Variants in MLLT6 observed in about 807,000 individuals in gnomAD.
MLLT6 encodes protein AF-17.
A neutral mutation model predicts 103.0 loss-of-function variants in MLLT6; 22 were observed. The observed-to-expected ratio is 0.21, with a 90% CI of 0.15 to 0.31. The LOEUF (loss-of-function observed/expected upper bound fraction) is 0.31. Ranked by LOEUF, MLLT6 falls within the 10% of genes least tolerant of loss-of-function variation. MLLT6 has a pLI of 1.00. For synonymous variants in MLLT6, 606 were observed against 623.5 expected (o/e 0.97, Z 0.42); for missense variants, 1,199 against 1,441.7 (o/e 0.83, Z 2.73).
At chr17:38,723,001 G>A (rs1394266978) in intron 18 of MLLT6, among the ~76,000 whole-genome samples, 7 of 152,194 alleles carry the variant, frequency 4.6e-5, no homozygotes, top group Admixed American at 2.6e-4. Context: ...AATAGCCCCA[G>A]GTCGCATCCT....
chr17:38,722,095 G>T lies in MLLT6; in HGVS notation c.2660G>T (p.Gly887Val), dbSNP rs1292937013. 2.0e-5 allele frequency: 28 copies of T among 1,373,632 alleles called. No homozygotes were observed. Among genetic ancestry groups the T allele is most frequent in the East Asian group, 9.0e-5 (3 of 33,278 alleles). 85.1% of individuals were successfully genotyped at this position (1,373,632 alleles called of 1,614,324 possible). The change falls in exon 17 of 20, where the codon GGG (glycine) becomes GTG (valine). Residue 887 changes from glycine (G) to valine (V), a missense_variant. Around this residue, in one of 7 missense-constraint regions of MLLT6, gnomAD observed 1,034 missense variants for 1,091.5 expected, o/e 0.95. Coordinates refer to ENST00000621332, the MANE Select transcript of MLLT6 (RefSeq NM_005937.4). The stretch of plus-strand genomic sequence containing the variant: ...CCCATGGCTGAGGGGCTGTTGGGGG[G>T]GCTGGCAGGCAGTGGGGGCCTGCCC... ...AMPMAEGLLG[G>V]LAGSGGLPLN...
rs1453601814 is a variant in MLLT6, at chr17:38,715,740, C to T, written c.948C>T (p.Ser316=). ...HSLSHKGKKL[S]SGKGVSSFTS... ...TGAGTCATAAAGGGAAGAAACTGAG[C>T]AGTGGGAAAGGTGTGAGCAGTTTTA... The change falls in exon 9 of 20, where the codon AGC becomes AGT. Residue 316 remains serine (S), a synonymous_variant. Transcript: ENST00000621332. The T allele has an allele frequency of 6.2e-7, 1 of 1,614,116 alleles. No homozygotes were observed. The highest frequency in any genetic ancestry group is 1.7e-5 in the Admixed American group (1 of 60,018).
In MLLT6 at chr17:38,705,572, CTG is replaced by C; in HGVS notation, c.-60_-59del. 4 of 608,622 alleles carry C rather than the reference CTG, an allele frequency of 6.6e-6. No homozygotes were observed. Among genetic ancestry groups the C allele is most frequent in the Admixed American group, 3.2e-5 (1 of 30,828 alleles). The allele number at this position is 608,622 out of a possible 1,614,324, so 37.7% of individuals were successfully genotyped here. ...CGGCCCCCCGCTCCCTCCCTCCCCC[CTG>C]ACCCCCGACCCCCGCCGGCCGGCCC... On this transcript the variant is annotated 5_prime_UTR_variant, in exon 1 of 20. Transcript: ENST00000621332.
Position 38,724,501 on chromosome 17 carries a change from A to G in MLLT6, c.2884-119A>G. On this transcript the variant is annotated intron_variant, in intron 18 of 19. Coordinates refer to ENST00000621332, the MANE Select transcript of MLLT6 (RefSeq NM_005937.4). This position sits in a 1 kb window ranked among gnomAD's most constrained non-coding sequence, Gnocchi z 5.4. ...CGAGACAGTACCTTGACTGTCTCAC[A>G]GGCCTCTTGCCTCCTGATTCCAGTG... 1.4e-6 allele frequency: 1 copy of G among 703,962 alleles called. No individual in the cohort carries two copies. Among genetic ancestry groups the G allele is most frequent in the Non-Finnish European group, 2.4e-6 (1 of 421,528 alleles). 43.6% of individuals were successfully genotyped at this position (703,962 alleles called of 1,614,324 possible). A position where few individuals can be genotyped will look rare whatever the true frequency, so the allele number is the denominator to read the frequency against.
Position 38,707,106 on chromosome 17 carries a change from C to CT in MLLT6, c.189+78dup, listed in dbSNP as rs1904963437. The CT allele has an allele frequency of 7.6e-6, 10 of 1,311,904 alleles. No homozygotes were observed. The South Asian group carries it at 1.2e-4, about 16-fold the overall frequency. The allele number at this position is 1,311,904 out of a possible 1,614,324, so 81.3% of individuals were successfully genotyped here. ...GCGTCTCAGGTTGAGCTAGGGGACTCTGAGGCCGAGGCTAGGGTGGGATTT... is the reference window on the plus strand; with the variant it reads ...GCGTCTCAGGTTGAGCTAGGGGACTCTTGAGGCCGAGGCTAGGGTGGGATTT... On this transcript the variant is annotated intron_variant, in intron 2 of 19. Coordinates refer to ENST00000621332, the MANE Select transcript of MLLT6 (RefSeq NM_005937.4).
rs1470594854 is a variant in MLLT6 at position 38,729,587 on chromosome 17, T to G, written c.*3989T>G. On this transcript the variant is annotated 3_prime_UTR_variant, in exon 20 of 20. Transcript: ENST00000621332. The stretch of plus-strand genomic sequence containing the variant: ...GGAGCAGGGAGGGGAAGCCACAGAT[T>G]GCAAACCCAGGGGCTCCTTTTTCAT... 3 of 232,260 alleles carry G rather than the reference T, an allele frequency of 1.3e-5. No individual in the cohort carries two copies. Among genetic ancestry groups the G allele is most frequent in the African/African-American group, 4.4e-5 (2 of 45,160 alleles). 14.4% of individuals were successfully genotyped at this position (232,260 alleles called of 1,614,324 possible). A position where few individuals can be genotyped will look rare whatever the true frequency, so the allele number is the denominator to read the frequency against.
rs758625075 is a variant in MLLT6 at position 38,719,544 on chromosome 17, G to A, written c.1970G>A (p.Arg657Gln). ...CCAGACCTGGAGGACTGCAGCTTCCGGTGTCGGGGGACCTCCCCTCAGGAG... is the reference window on the plus strand; with the variant it reads ...CCAGACCTGGAGGACTGCAGCTTCCAGTGTCGGGGGACCTCCCCTCAGGAG... ...TEPDLEDCSF[R>Q]CRGTSPQESL... The change falls in exon 13 of 20, where the codon CGG becomes CAG. Residue 657 changes from arginine (R) to glutamine (Q), a missense_variant. By Grantham distance (43) the Arg-to-Gln change is conservative. Coordinates refer to ENST00000621332, the MANE Select transcript of MLLT6 (RefSeq NM_005937.4). 3 of 1,611,540 alleles carry A rather than the reference G, an allele frequency of 1.9e-6. No individual in the cohort carries two copies. Among genetic ancestry groups the A allele is most frequent in the African/African-American group, 2.7e-5 (2 of 74,910 alleles).
intron 14 of MLLT6, 192 bp from the exon 15 acceptor site, chr17:38,720,180 T>A (rs1474221542): frequency 6.0e-5 from 42 of 694,426 alleles, no homozygotes; most frequent in Non-Finnish European, 8.5e-5. Context: ...AGCCTCAGGC[T>A]CCGCCCCAGG....
intron 16 of MLLT6, chr17:38,721,049 T>A (rs1905704779): frequency 6.0e-6 from 3 of 499,094 alleles, no homozygotes; most frequent in Admixed American, 7.6e-5. Flanking sequence ...TTGAGGGCTG[T>A]GAGAGAGAGA....
chr17:38,708,669 G>A (rs1387089131), intron 4 of MLLT6, among the ~76,000 whole-genome samples: 1 of 152,216 alleles, frequency 6.6e-6, no homozygotes, highest in Admixed American at 6.5e-5. Flanking sequence ...GCTGAGGGGG[G>A]TGGATCACCT....
rs1271885646 is a variant in MLLT6 at position 38,724,521 on chromosome 17, C to T, written c.2884-99C>T. The stretch of plus-strand genomic sequence containing the variant: ...CTCACAGGCCTCTTGCCTCCTGATT[C>T]CAGTGTGATGGGGTGGGGCCTGGCC... On this transcript the variant is annotated intron_variant, in intron 18 of 19. Coordinates refer to ENST00000621332, the MANE Select transcript of MLLT6 (RefSeq NM_005937.4). The surrounding 1 kb of genome is among the most constrained non-coding windows in gnomAD (Gnocchi z 5.4). 3 of 865,870 alleles carry T rather than the reference C, an allele frequency of 3.5e-6. No homozygotes were observed. Among genetic ancestry groups the T allele is most frequent in the Non-Finnish European group, 3.6e-6 (2 of 563,050 alleles). The allele number at this position is 865,870 out of a possible 1,614,324, so 53.6% of individuals were successfully genotyped here. A position where few individuals can be genotyped will look rare whatever the true frequency, so the allele number is the denominator to read the frequency against.
intron 19 of MLLT6, 131 bp from the exon 20 acceptor site, chr17:38,725,426 C>T: frequency 1.2e-6 from 1 of 822,218 alleles, no homozygotes; most frequent in South Asian, 1.7e-5. Flanking sequence ...CCCTCAGAGC[C>T]CAGGCCAGAG....
intron 6 of MLLT6, among the ~76,000 whole-genome samples, chr17:38,711,544 G>A (rs1161360273): frequency 6.6e-6 from 1 of 152,118 alleles, no homozygotes; most frequent in Non-Finnish European, 1.5e-5. Flanking sequence ...TGGAGAGAAT[G>A]AAAGACCCGG....
intron 16 of MLLT6, among the ~76,000 whole-genome samples, chr17:38,721,611 G>A (rs1451465641): frequency 6.6e-6 from 1 of 152,174 alleles, no homozygotes; most frequent in African/African-American, 2.4e-5. Flanking sequence ...CCCAGGATCT[G>A]GTTCACCAGA....
Position 38,705,413 on chromosome 17 carries a change from G to T in MLLT6, c.-220G>T. 2.7e-6 allele frequency: 1 copy of T among 376,068 alleles called. No individual in the cohort carries two copies. Among genetic ancestry groups the T allele is most frequent in the South Asian group, 3.5e-5 (1 of 28,372 alleles). The allele number at this position is 376,068 out of a possible 1,614,324, so 23.3% of individuals were successfully genotyped here. A position where few individuals can be genotyped will look rare whatever the true frequency, so the allele number is the denominator to read the frequency against. Reference sequence around the variant, plus strand: ...GGGGCCCGTCGGGGCATGAGGGCGAGAGCACGGCGGGGGGGGCGGCCAGAC... The same window carrying T: ...GGGGCCCGTCGGGGCATGAGGGCGATAGCACGGCGGGGGGGGCGGCCAGAC... On this transcript the variant is annotated 5_prime_UTR_variant, in exon 1 of 20. Coordinates refer to ENST00000621332, the MANE Select transcript of MLLT6 (RefSeq NM_005937.4).
Position 38,716,248 on chromosome 17 carries a change from G to A in MLLT6, c.1037-119G>A, listed in dbSNP as rs1905338036. 1 of 1,074,518 alleles carries A rather than the reference G, an allele frequency of 9.3e-7. No individual in the cohort carries two copies. The highest frequency in any genetic ancestry group is 1.6e-5 in the African/African-American group (1 of 62,518). 66.6% of individuals were successfully genotyped at this position (1,074,518 alleles called of 1,614,324 possible). ...AGGACACAGACAGTGGCAGAGCTGA[G>A]ACAGGAAACCAGGCATCCCCATTCG... On this transcript the variant is annotated intron_variant, in intron 9 of 19. Transcript: ENST00000621332. This position sits in a 1 kb window ranked among gnomAD's most constrained non-coding sequence, Gnocchi z 5.6.
chr17:38,712,850 G>A, intron 8 of MLLT6, 61 bp downstream of exon 8: 1 of 1,294,662 alleles, frequency 7.7e-7, no homozygotes. Flanking sequence ...AGGGAGGGAG[G>A]CGGGGGCGAG....
Position 38,721,910 on chromosome 17 carries a change from C to T in MLLT6, c.2475C>T (p.Ser825=), listed in dbSNP as rs1342850309. The T allele has an allele frequency of 6.3e-7, 1 of 1,576,512 alleles. No homozygotes were observed. Among genetic ancestry groups the T allele is most frequent in the South Asian group, 1.1e-5 (1 of 87,986 alleles). Residue 825 remains serine, a synonymous_variant, in exon 17 of 20, where the codon AGC becomes AGT. Coordinates refer to ENST00000621332, the MANE Select transcript of MLLT6 (RefSeq NM_005937.4). Reference sequence around the variant, plus strand: ...ACTCAGGCTGCCCGAGCCGCAGCAGCTCGTCGCTGTCCTTCCACAGCACGC... The same window carrying T: ...ACTCAGGCTGCCCGAGCCGCAGCAGTTCGTCGCTGTCCTTCCACAGCACGC... ...DPHSGCPSRS[S]SSLSFHSTPP...
At chr17:38,717,351 G>C in intron 10 of MLLT6, 81 bp from the exon 11 acceptor site, 3 of 1,162,928 alleles carry the variant, frequency 2.6e-6, no homozygotes, top group Admixed American at 2.4e-5. Context: ...TCGAGCTGGG[G>C]AGGGGCTGTC....
Sources: allele counts gnomAD v4.1 joint callset (sites outside exome capture counted in the v4.1 genomes callset), GRCh38; gene constraint gnomAD v4.1.1; regional missense constraint gnomAD v4.1.1; non-coding constraint Gnocchi (gnomAD v3.1); transcripts MANE v1.5; gene names NCBI Gene and HGNC (gene_info 2026-07-23, HGNC 2026-07-21).